The following ASB5 variants were observed in gnomAD, a reference collection of about 807,000 sequenced individuals.
ASB5 encodes the protein ankyrin repeat and SOCS box containing 5.
A neutral mutation model predicts 42.1 loss-of-function variants in ASB5; 45 were observed. The observed-to-expected ratio is 1.07, with a 90% CI of 0.84 to 1.37. The LOEUF (loss-of-function observed/expected upper bound fraction) is 1.37. Among genes scored for constraint, ASB5 ranks in the 40% most tolerant of loss-of-function variants. The pLI, the probability that ASB5 is intolerant of heterozygous loss-of-function variation, is 0.00. For synonymous variants in ASB5, 147 were observed against 150.6 expected, an observed-to-expected ratio of 0.98 and a Z score of 0.18; for missense variants, 402 against 399.8, an observed-to-expected ratio of 1.01 and a Z score of -0.05.
At chr4:176,266,680 T>A (rs1754363383) in intron 1 of ASB5, among the ~76,000 whole-genome samples, 1 of 152,206 alleles carries the variant, frequency 6.6e-6, no homozygotes, top group East Asian at 1.9e-4. Flanking sequence ...TATTCTATTG[T>A]TTCATATACA....
chr4:176,216,609 A>G (rs1398883973), intron 6 of ASB5, among the ~76,000 whole-genome samples: 3 of 152,212 alleles, frequency 2.0e-5, no homozygotes, highest in African/African-American at 7.2e-5. Flanking sequence ...TTGGCCTCCC[A>G]AAGTGCTGGG....
At chr4:176,270,512 T>G (rs1754449352), upstream of ASB5, among the ~76,000 whole-genome samples, 1 of 152,072 alleles carries the variant, frequency 6.6e-6, no homozygotes, top group African/African-American at 2.4e-5. Flanking sequence ...CCCCAATGAA[T>G]GAATGGCTCT....
chr4:176,253,566 T>A (rs1002456970), intron 1 of ASB5, among the ~76,000 whole-genome samples: 6 of 152,146 alleles, frequency 3.9e-5, no homozygotes, highest in African/African-American at 1.4e-4. Flanking sequence ...GAGAAAGAAA[T>A]AAAAGGCATC....
intron 1 of ASB5, among the ~76,000 whole-genome samples, chr4:176,258,771 A>T (rs1213906855): frequency 6.6e-6 from 1 of 152,210 alleles, no homozygotes; most frequent in Non-Finnish European, 1.5e-5. Flanking sequence ...TGGAGCTTTA[A>T]ACCTACAAAA....
intron 2 of ASB5, among the ~76,000 whole-genome samples, chr4:176,275,405 A>G (rs1164437451): frequency 1.3e-5 from 2 of 152,186 alleles, no homozygotes; most frequent in Non-Finnish European, 2.9e-5. Flanking sequence ...GTGTGCATGC[A>G]TTTCAAATCT....
Position 176,215,668 on chromosome 4 carries a change from G to A in ASB5, c.922C>T (p.Pro308Ser). 1 of 1,613,214 alleles carries A rather than the reference G, an allele frequency of 6.2e-7. No individual in the cohort carries two copies. Among genetic ancestry groups the A allele is most frequent in the Non-Finnish European group, 8.5e-7 (1 of 1,179,446 alleles). The change falls in exon 7 of 7, where the codon CCA becomes TCA. Residue 308 changes from proline (P) to serine (S), a missense_variant. Pro to Ser is a moderately conservative substitution (Grantham distance 74). Coordinates refer to ENST00000296525, the MANE Select transcript of ASB5 (RefSeq NM_080874.4). The part of the protein sequence containing the change: ...RLCIRSYIGK[P>S]RLHLIPQLQL... ...AGTTGTGGGATAAGGTGCAATCTTG[G>A]TTTTCCTATGTAGCTTCGGATACAG...
chr4:176,234,572 G>A (rs1353372462), intron 1 of ASB5, among the ~76,000 whole-genome samples: 1 of 152,094 alleles, frequency 6.6e-6, no homozygotes, highest in Non-Finnish European at 1.5e-5. Context: ...CTTAGAAAGC[G>A]AGACTCAGTT....
rs1752982306 is a variant in ASB5, at chr4:176,216,816, A to G, written c.862+2T>C. 6.4e-7 allele frequency: 1 copy of G among 1,553,350 alleles called. No homozygotes were observed. The highest frequency in any genetic ancestry group is 1.4e-5 in the African/African-American group (1 of 72,374). ...GTAAGTTTCCACATGTATTTTTCTT[A>G]CCTTCATGTTGAAGCAATATCCTTT... On this transcript the variant is annotated splice_donor_variant, in intron 6 of 6. Coordinates refer to ENST00000296525, the MANE Select transcript of ASB5 (RefSeq NM_080874.4). LOFTEE classifies it high-confidence loss of function.
chr4:176,241,549 T>C, intron 1 of ASB5: 1 of 1,526,180 alleles, frequency 6.6e-7, no homozygotes, highest in Non-Finnish European at 8.7e-7. Flanking sequence ...TTTGGGTTTC[T>C]TTACAAGGCC....
rs1423071561 is a variant in ASB5, at chr4:176,225,346, CAAAAAAGA to C, written c.197-13_197-6del. 1.2e-6 allele frequency: 2 copies of C among 1,605,534 alleles called. No homozygotes were observed. The highest frequency in any genetic ancestry group is 2.2e-5 in the East Asian group (1 of 44,816). ...GTGATCGATCTGCCCAGGAACCTGT[CAAAAAAGA>C]AAAAAAGAAAGAAAAGAAAACAAAA... On this transcript the variant is annotated splice_polypyrimidine_tract_variant and splice_region_variant and intron_variant, in intron 1 of 6. Coordinates refer to ENST00000296525, the MANE Select transcript of ASB5 (RefSeq NM_080874.4).
intron 1 of ASB5, among the ~76,000 whole-genome samples, chr4:176,233,384 C>G (rs923239601): frequency 6.6e-6 from 1 of 152,188 alleles, no homozygotes; most frequent in African/African-American, 2.4e-5. Context: ...AATTTCAGCG[C>G]CACATGTTAA....
intron 1 of ASB5, chr4:176,241,662 C>T: frequency 7.4e-7 from 1 of 1,358,754 alleles, no homozygotes; most frequent in Non-Finnish European, 9.4e-7. Flanking sequence ...ATCTGTTGGC[C>T]TAGTGATAGT....
intron 1 of ASB5, chr4:176,237,417 T>C: frequency 1.0e-6 from 1 of 985,852 alleles, no homozygotes; most frequent in Non-Finnish European, 1.2e-6. Context: ...TCTGCGGACA[T>C]AGTTTGGTTG....
chr4:176,237,168 G>T, intron 1 of ASB5: 1 of 594,124 alleles, frequency 1.7e-6, no homozygotes, highest in Non-Finnish European at 2.1e-6. Context: ...CCTTTGCCAT[G>T]CCATACATGT....
upstream of ASB5, among the ~76,000 whole-genome samples, chr4:176,273,612 G>C (rs558633290): frequency 6.6e-6 from 1 of 152,260 alleles, no homozygotes; most frequent in South Asian, 2.1e-4. Context: ...AACTTAGACT[G>C]CATCCAGGTT....
Position 176,215,576 on chromosome 4 carries a change from G to C in ASB5, c.*24C>G. 1.3e-6 allele frequency: 2 copies of C among 1,597,306 alleles called. No individual in the cohort carries two copies. Among genetic ancestry groups the C allele is most frequent in the South Asian group, 2.3e-5 (2 of 88,640 alleles). On this transcript the variant is annotated 3_prime_UTR_variant, in exon 7 of 7. Transcript: ENST00000296525. Reference sequence around the variant, plus strand: ...AAGAAATAGAAATTTTGATTTTCAAGGTATTTAGAATTACTTTACTGTTTT... The same window carrying C: ...AAGAAATAGAAATTTTGATTTTCAACGTATTTAGAATTACTTTACTGTTTT...
intron 6 of ASB5, among the ~76,000 whole-genome samples, chr4:176,216,353 AT>A (rs1356772144): frequency 1.3e-5 from 2 of 151,726 alleles, no homozygotes; most frequent in South Asian, 2.1e-4. Context: ...TAAAATTATC[AT>A]TTTTTTTCTT....
At chr4:176,275,010 G>T (rs1233292979) in intron 2 of ASB5, among the ~76,000 whole-genome samples, 4 of 149,726 alleles carry the variant, frequency 2.7e-5, no homozygotes. Context: ...CATCTCCCAG[G>T]TTCAAGCGAT....
At chr4:176,266,384 T>TA (rs1275052042) in intron 1 of ASB5, among the ~76,000 whole-genome samples, 4 of 152,168 alleles carry the variant, frequency 2.6e-5, no homozygotes, top group African/African-American at 9.6e-5. Context: ...ATGAAGGTGA[T>TA]AATCTCTCCC....
Sources: gnomAD v4.1 joint callset for allele counts (sites outside exome capture counted in the v4.1 genomes callset) on GRCh38, gnomAD v4.1.1 for gene constraint, MANE v1.5 for transcripts, NCBI Gene and HGNC (gene_info 2026-07-23, HGNC 2026-07-21) for gene names.